Variants in ANO3 observed in about 807,000 individuals in gnomAD.
ANO3 encodes anoctamin-3.
A neutral mutation model predicts 144.8 loss-of-function variants in ANO3; 99 were observed. The observed-to-expected ratio is 0.68, with a 90% confidence interval of 0.58 to 0.81. The LOEUF is 0.81. Ranked by LOEUF, ANO3 falls within the 30% of genes least tolerant of loss-of-function variation. The pLI is 0.00. For missense variants in ANO3, 905 were observed against 1,202.2 expected, an observed-to-expected ratio of 0.75 and a Z score of 3.66; for synonymous variants, 414 against 392.6, an observed-to-expected ratio of 1.05 and a Z score of -0.64.
At chr11:26,353,551 T>G (rs1250541158) in intron 1 of ANO3, among the ~76,000 whole-genome samples, 1 of 152,158 alleles carries the variant, frequency 6.6e-6, no homozygotes, top group Non-Finnish European at 1.5e-5. Context: ...CTTCCTCCCT[T>G]CAATTCCTTT....
chr11:26,502,849 G>GAAAAAAAAA (rs397941347), intron 4 of ANO3, among the ~76,000 whole-genome samples: 2 of 77,750 alleles, frequency 2.6e-5, no homozygotes, highest in Non-Finnish European at 2.8e-5. Context: ...AACATTCAGG[G>GAAAAAAAAA]AAAAAAAAAA....
intron 1 of ANO3, among the ~76,000 whole-genome samples, chr11:26,385,386 G>T (rs535321536): frequency 5.3e-5 from 8 of 152,270 alleles, no homozygotes; most frequent in African/African-American, 1.7e-4. Flanking sequence ...TTATCTTACA[G>T]TTCTGGAGGT....
intron 1 of ANO3, among the ~76,000 whole-genome samples, chr11:26,320,746 CT>C (rs944320037): frequency 1.3e-5 from 2 of 151,834 alleles, no homozygotes; most frequent in Admixed American, 1.3e-4. Flanking sequence ...GAAATTTTAC[CT>C]TGATTAATAT....
chr11:26,588,364 G>A (rs528113380), intron 14 of ANO3, among the ~76,000 whole-genome samples: 86 of 152,244 alleles, frequency 5.6e-4, no homozygotes, highest in African/African-American at 2.0e-3. Flanking sequence ...TTTAAAAAGT[G>A]AGAATGTGGA....
intron 1 of ANO3, among the ~76,000 whole-genome samples, chr11:26,418,718 A>G (rs898914267): frequency 1.8e-4 from 28 of 151,458 alleles, no homozygotes; most frequent in Non-Finnish European, 3.7e-4. Context: ...GCGCGCGCAC[A>G]CACACACACT....
At chr11:26,627,542 T>C (rs1852626696) in intron 18 of ANO3, among the ~76,000 whole-genome samples, 1 of 152,100 alleles carries the variant, frequency 6.6e-6, no homozygotes, top group South Asian at 2.1e-4. Flanking sequence ...ACTAGCTCTG[T>C]TCCTTACATT....
At chr11:26,334,115 T>G (rs368943664) in intron 1 of ANO3, among the ~76,000 whole-genome samples, 8 of 152,342 alleles carry the variant, frequency 5.3e-5, no homozygotes, top group African/African-American at 1.9e-4. Context: ...GATAAGAAAT[T>G]GTGCAATTGC....
At chr11:26,352,299 C>G (rs1855668819) in intron 1 of ANO3, among the ~76,000 whole-genome samples, 1 of 152,218 alleles carries the variant, frequency 6.6e-6, no homozygotes, top group Admixed American at 6.5e-5. Context: ...ACCTTGAGAT[C>G]TAGCTGGAGG....
intron 3 of ANO3, among the ~76,000 whole-genome samples, chr11:26,454,108 C>T (rs1590373848): frequency 6.6e-6 from 1 of 151,752 alleles, no homozygotes; most frequent in East Asian, 1.9e-4. Context: ...GCACTAAATG[C>T]CCACAAGAGA....
intron 1 of ANO3, among the ~76,000 whole-genome samples, chr11:26,416,143 T>C (rs1351050364): frequency 6.6e-6 from 1 of 152,112 alleles, no homozygotes; most frequent in Non-Finnish European, 1.5e-5. Flanking sequence ...TTTATTCTCC[T>C]TCTCTACCCT....
intron 17 of ANO3, among the ~76,000 whole-genome samples, chr11:26,605,216 C>T (rs530485707): frequency 2.0e-5 from 3 of 152,098 alleles, no homozygotes; most frequent in East Asian, 3.9e-4. Flanking sequence ...TGATGGATTA[C>T]GTTTATTGAT....
At chr11:26,562,492 ATAT>A (rs1484839173) in intron 14 of ANO3, among the ~76,000 whole-genome samples, 1 of 151,972 alleles carries the variant, frequency 6.6e-6, no homozygotes, top group African/African-American at 2.4e-5. Flanking sequence ...AATTGATATT[ATAT>A]TATTAAAGCA....
At chr11:26,302,545 T>G (rs1162160307) in intron 1 of ANO3, among the ~76,000 whole-genome samples, 1 of 152,040 alleles carries the variant, frequency 6.6e-6, no homozygotes, top group Non-Finnish European at 1.5e-5. Flanking sequence ...AAAGAATGCC[T>G]CCGATTATTT....
At chr11:26,579,309 A>G (rs35574500) in intron 14 of ANO3, among the ~76,000 whole-genome samples, 19,254 of 152,238 alleles carry the variant, frequency 0.13, 1,494 homozygotes, top group Non-Finnish European at 0.16. Context: ...CCAACGAGCC[A>G]TAACTTGAAG....
At chr11:26,350,134 A>G (rs1372166687) in intron 1 of ANO3, among the ~76,000 whole-genome samples, 3 of 152,108 alleles carry the variant, frequency 2.0e-5, no homozygotes. Flanking sequence ...TGCAACCCAA[A>G]TTTTAGAAGC....
Position 26,437,455 on chromosome 11 carries a change from C to T in ANO3, c.47-4463C>T, listed in dbSNP as rs568719647. Among the ~76,000 whole-genome samples the T allele has an allele frequency of 2.0e-5, 3 of 152,300 alleles. No individual in the cohort carries two copies. In the East Asian group the frequency reaches 5.8e-4, roughly 29 times the overall value. On this transcript the variant is annotated intron_variant, in intron 1 of 26. Transcript: ENST00000256737. Reference sequence around the variant, plus strand: ...ACTGCTTCCCTGAGAGTAGGAGGCTCCCCTGGCTCTGTGTCACTCAGGGGT... The same window carrying T: ...ACTGCTTCCCTGAGAGTAGGAGGCTTCCCTGGCTCTGTGTCACTCAGGGGT...
At position 26,565,526 on chromosome 11, in the gene ANO3, G is replaced by C. The variant is rs1850536058; in HGVS notation, c.1447+5747G>C. 3.1e-6 allele frequency: 5 copies of C among 1,613,292 alleles called. No individual in the cohort carries two copies. In the African/African-American group the frequency reaches 5.3e-5, roughly 17 times the overall value. ...CTTTAGAAACAAAGCTATGGATCAA[G>C]GGAGGGCTTGTGGAAATGGTAGATG... On this transcript the variant is annotated intron_variant, in intron 14 of 26. Transcript: ENST00000256737.
intron 14 of ANO3, among the ~76,000 whole-genome samples, chr11:26,594,396 C>T (rs921389389): frequency 1.3e-5 from 2 of 152,136 alleles, no homozygotes; most frequent in African/African-American, 4.8e-5. Flanking sequence ...GGAGTTAGTG[C>T]CTGATTTAGC....
upstream of ANO3, among the ~76,000 whole-genome samples, chr11:26,329,898 C>T (rs542886125): frequency 6.6e-6 from 1 of 151,790 alleles, no homozygotes; most frequent in Non-Finnish European, 1.5e-5. Context: ...CCGCAAGCTC[C>T]GCCTCCCGGG....
Sources: gnomAD v4.1 joint callset for allele counts (sites outside exome capture counted in the v4.1 genomes callset) on GRCh38, gnomAD v4.1.1 for gene constraint, MANE v1.5 for transcripts, NCBI Gene and HGNC (gene_info 2026-07-23, HGNC 2026-07-21) for gene names.